DMXL2: variants seen among roughly 807,000 people sequenced by gnomAD.
DMXL2 encodes dmX-like protein 2.
In DMXL2, 103 loss-of-function variants were observed where a neutral mutation model predicts 331.1. That is an observed-to-expected ratio of 0.31 (90% confidence interval 0.27 to 0.37). DMXL2 has a LOEUF of 0.37. DMXL2 is among the 10% of genes least tolerant of loss of function. DMXL2 has a pLI of 1.00. For synonymous variants in DMXL2, 1,281 were observed against 1,252.1 expected, an observed-to-expected ratio of 1.02 and a Z score of -0.49; for missense variants, 3,171 against 3,642.9, an observed-to-expected ratio of 0.87 and a Z score of 3.33.
At chr15:51,517,028 A>C (rs1358593169) in intron 14 of DMXL2, 50 bp downstream of exon 14, 1 of 1,412,708 alleles carries the variant, frequency 7.1e-7, no homozygotes, top group Non-Finnish European at 1.0e-6. Context: ...CATATAAAAC[A>C]CCATGGGATA....
At position 51,481,121 on chromosome 15, in the gene DMXL2, A is replaced by T; in HGVS notation, c.5985T>A (p.Gly1995=). Residue 1995 remains glycine (G), a synonymous_variant, in exon 24 of 44, where the codon GGT becomes GGA. Coordinates refer to ENST00000560891, the MANE Select transcript of DMXL2 (RefSeq NM_001378457.1). ...ALDEEEDDAV[G]LVMKSTDARE... ...TGGCATCTGTACTTTTCATCACTAA[A>T]CCAACAGCATCGTCTTCCTCTTCAT... is the stretch of plus-strand genomic sequence containing the variant. The T allele has an allele frequency of 6.2e-7, 1 of 1,611,954 alleles. No individual in the cohort carries two copies. The highest frequency in any genetic ancestry group is 8.5e-7 in the Non-Finnish European group (1 of 1,178,374).
chr15:51,463,078 T>C (rs1392719273), intron 33 of DMXL2: 1 of 199,604 alleles, frequency 5.0e-6, no homozygotes, highest in Non-Finnish European at 1.0e-5. Flanking sequence ...TAAGCTTATA[T>C]ATTAAATTCC....
At chr15:51,534,083 G>A (rs1057265971) in intron 13 of DMXL2, among the ~76,000 whole-genome samples, 15 of 152,120 alleles carry the variant, frequency 9.9e-5, no homozygotes, top group African/African-American at 3.6e-4. Flanking sequence ...TTAGCAGAGA[G>A]CAGGGAGGGG....
chr15:51,501,717 G>A (rs1053754056), intron 17 of DMXL2, among the ~76,000 whole-genome samples: 3 of 151,430 alleles, frequency 2.0e-5, no homozygotes, highest in Non-Finnish European at 4.4e-5. Context: ...TCAGGAGATC[G>A]AGACCATCCT....
intron 13 of DMXL2, among the ~76,000 whole-genome samples, chr15:51,519,636 GTTTTTTTTTTTT>G (rs61062444): frequency 1.2e-5 from 1 of 84,902 alleles, no homozygotes; most frequent in Admixed American, 1.3e-4. Flanking sequence ...AAAGTCTCTT[GTTTTTTTTTTTT>G]TTTTTTTTTT....
chr15:51,586,380 A>G (rs1188954864), intron 1 of DMXL2, among the ~76,000 whole-genome samples: 2 of 152,170 alleles, frequency 1.3e-5, no homozygotes, highest in Admixed American at 6.5e-5. Context: ...CAAATATGTA[A>G]AAACAAAAAT....
intron 13 of DMXL2, among the ~76,000 whole-genome samples, chr15:51,521,882 A>C (rs2047401274): frequency 6.6e-6 from 1 of 152,240 alleles, no homozygotes; most frequent in Non-Finnish European, 1.5e-5. Flanking sequence ...TAAAAATTAA[A>C]GATTGAGTAA....
In DMXL2 at chr15:51,545,616, T is replaced by C; in HGVS notation, c.897A>G (p.Gly299=). The C allele has an allele frequency of 6.2e-7, 1 of 1,613,652 alleles. No individual in the cohort carries two copies. Among genetic ancestry groups the C allele is most frequent in the Non-Finnish European group, 8.5e-7 (1 of 1,179,698 alleles). ...CATGCTGTATTCTGTCTTTGTGTCT[T>C]CCAGCATGAGAAAGGCTGCTGGCAA... The part of the protein sequence containing the change: ...SSIASSLSHA[G]RHKDRIQHAL... Residue 299 remains glycine (G), a synonymous_variant, in exon 8 of 44, where the codon GGA becomes GGG. Transcript: ENST00000560891.
At chr15:51,582,114 T>A (rs2051468443) in intron 1 of DMXL2, among the ~76,000 whole-genome samples, 1 of 152,202 alleles carries the variant, frequency 6.6e-6, no homozygotes, top group Non-Finnish European at 1.5e-5. Flanking sequence ...TACCATTTAT[T>A]AAAAACCTAC....
chr15:51,617,904 T>C (rs994281798), intron 1 of DMXL2, among the ~76,000 whole-genome samples: 1 of 152,138 alleles, frequency 6.6e-6, no homozygotes, highest in African/African-American at 2.4e-5. Flanking sequence ...CGCAGGGACA[T>C]AAGAACTTAT....
chr15:51,613,150 T>C (rs113123605), intron 1 of DMXL2, among the ~76,000 whole-genome samples: 4 of 152,166 alleles, frequency 2.6e-5, no homozygotes, highest in Non-Finnish European at 5.9e-5. Context: ...GTTAATGCAA[T>C]CATCACAGGG....
intron 1 of DMXL2, chr15:51,603,791 C>G (rs1408728491): frequency 6.6e-6 from 1 of 151,940 alleles, no homozygotes; most frequent in Non-Finnish European, 1.5e-5. Context: ...TGGCGCGAAC[C>G]CGGGAGGCGG....
In DMXL2 at chr15:51,568,503, G is replaced by C. The variant is rs2050441516; in HGVS notation, c.269C>G (p.Ser90Cys). 5 of 1,568,332 alleles carry C rather than the reference G, an allele frequency of 3.2e-6. No individual in the cohort carries two copies. Among genetic ancestry groups the C allele is most frequent in the Non-Finnish European group, 3.4e-6 (4 of 1,163,758 alleles). ...VCIFEPLGIN[S>C]HKRNCQLKCQ... Reference sequence around the variant, plus strand: ...AATACTTACACAATTTCTTTTATGAGAATTTATGCCCAAGGGCTCAAATAT... The same window carrying C: ...AATACTTACACAATTTCTTTTATGACAATTTATGCCCAAGGGCTCAAATAT... Residue 90 changes from serine (S) to cysteine (C), a missense_variant, in exon 3 of 44, where the codon TCT becomes TGT. By Grantham distance (112) the Ser-to-Cys change is moderately radical. Around this residue, in one of 7 missense-constraint regions of DMXL2, gnomAD observed 1,674 missense variants for 1,780.2 expected, o/e 0.94. Coordinates refer to ENST00000560891, the MANE Select transcript of DMXL2 (RefSeq NM_001378457.1).
chr15:51,598,784 T>G (rs1045149220), intron 1 of DMXL2, among the ~76,000 whole-genome samples: 1 of 152,242 alleles, frequency 6.6e-6, no homozygotes, highest in Non-Finnish European at 1.5e-5. Flanking sequence ...TCTCTGATGA[T>G]GTTTACTTTG....
At chr15:51,530,963 G>C (rs1458514228) in intron 13 of DMXL2, among the ~76,000 whole-genome samples, 4 of 152,068 alleles carry the variant, frequency 2.6e-5, no homozygotes, top group Admixed American at 2.6e-4. Flanking sequence ...ACTACCCCAA[G>C]CAATCTACAG....
chr15:51,466,719 G>A (rs191969738), intron 29 of DMXL2, among the ~76,000 whole-genome samples: 102 of 152,044 alleles, frequency 6.7e-4, no homozygotes, highest in African/African-American at 2.3e-3. Context: ...TGAAGGGAAG[G>A]ACTGAAATGT....
Position 51,510,978 on chromosome 15 carries a change from T to C in DMXL2, c.2644+3464A>G, listed in dbSNP as rs529745143. Among the ~76,000 whole-genome samples, 22 of 152,172 alleles carry C rather than the reference T, an allele frequency of 1.4e-4. No homozygotes were observed. The South Asian group carries it at 1.5e-3, about 10-fold the overall frequency. The stretch of plus-strand genomic sequence containing the variant: ...TATTTAACAAATGGTGCTAGGAAAA[T>C]TGGCTTGCCACATGCAGAAAACTGA... On this transcript the variant is annotated intron_variant, in intron 15 of 43. Transcript: ENST00000560891.
At chr15:51,606,444 C>T (rs980084627) in intron 1 of DMXL2, among the ~76,000 whole-genome samples, 5 of 152,172 alleles carry the variant, frequency 3.3e-5, no homozygotes, top group Admixed American at 1.3e-4. Context: ...ATCCACGCAC[C>T]ACAGCCTCCC....
At chr15:51,476,471 CAAAG>C (rs1012188485) in intron 27 of DMXL2, 114 bp downstream of exon 27, 28 of 1,204,264 alleles carry the variant, frequency 2.3e-5, no homozygotes, top group Non-Finnish European at 2.9e-5. Flanking sequence ...CATCAAAAAA[CAAAG>C]AAAGAAAGGA....
Sources: gnomAD v4.1 joint callset for allele counts (sites outside exome capture counted in the v4.1 genomes callset) on GRCh38, gnomAD v4.1.1 for gene constraint, gnomAD v4.1.1 regional missense constraint, MANE v1.5 for transcripts, NCBI Gene and HGNC (gene_info 2026-07-23, HGNC 2026-07-21) for gene names.